The following ZKSCAN2 variants were observed in gnomAD, a reference collection of about 807,000 sequenced individuals.
ZKSCAN2 encodes the protein zinc finger with KRAB and SCAN domains 2.
Under a neutral mutation model 90.5 loss-of-function variants are expected in ZKSCAN2, and 38 were observed. The observed-to-expected ratio is 0.42, with a 90% CI of 0.32 to 0.55. The LOEUF (loss-of-function observed/expected upper bound fraction) is 0.55. Ranked by LOEUF, ZKSCAN2 falls within the 20% of genes least tolerant of loss-of-function variation. ZKSCAN2 has a pLI of 0.11. For missense variants in ZKSCAN2, 1,167 were observed against 1,202.6 expected, an observed-to-expected ratio of 0.97 and a Z score of 0.44; for synonymous variants, 429 against 421.6, an observed-to-expected ratio of 1.02 and a Z score of -0.22.
At position 25,256,730 on chromosome 16, in the gene ZKSCAN2, T is replaced by G; in HGVS notation, c.398A>C (p.Gln133Pro). The G allele has an allele frequency of 6.2e-7, 1 of 1,607,298 alleles. No individual in the cohort carries two copies. The highest frequency in any genetic ancestry group is 1.1e-5 in the South Asian group (1 of 90,164). Residue 133 changes from glutamine to proline, a missense_variant and splice_region_variant, in exon 1 of 7, where the codon CAG becomes CCG. Transcript: ENST00000328086. ...AAAATTTGGAAAATCCTCTCTCACC[T>G]GCTGTCTTAGTCTTCCAGTCTCTTT... Reference protein sequence around the residue: ...LEKETGRLRQQVSSPVHREKH... With the variant: ...LEKETGRLRQPVSSPVHREKH...
intron 4 of ZKSCAN2, among the ~76,000 whole-genome samples, chr16:25,250,923 A>T (rs1963011411): frequency 6.6e-6 from 1 of 151,912 alleles, no homozygotes; most frequent in Admixed American, 6.6e-5. Flanking sequence ...TGTCCAGCTA[A>T]TTTTGTATTT....
chr16:25,244,343 C>T (rs1962901522), intron 5 of ZKSCAN2, 67 bp from the exon 6 acceptor site: 1 of 1,505,612 alleles, frequency 6.6e-7, no homozygotes, highest in East Asian at 2.3e-5. Context: ...ATACTATATA[C>T]ATTAAGAAAT....
At chr16:25,251,106 A>G (rs1963013625) in intron 4 of ZKSCAN2, among the ~76,000 whole-genome samples, 1 of 152,102 alleles carries the variant, frequency 6.6e-6, no homozygotes, top group Non-Finnish European at 1.5e-5. Flanking sequence ...GTACCCCAAT[A>G]AAGTCGAAAA....
At position 25,240,526 on chromosome 16, in the gene ZKSCAN2, A is replaced by T; in HGVS notation, c.2194T>A (p.Leu732Ile). The T allele has an allele frequency of 6.2e-7, 1 of 1,614,072 alleles. No homozygotes were observed. Among genetic ancestry groups the T allele is most frequent in the South Asian group, 1.1e-5 (1 of 91,072 alleles). Residue 732 changes from leucine to isoleucine, a missense_variant, in exon 7 of 7, where the codon TTA becomes ATA. Transcript: ENST00000328086. ...CTCTGATGCACAACGGCTTTCCCTA[A>T]ATCTCTAGGCTGAGACATCGGCTTT... ...QGKPMSQPRDLGKAVVHQRPF... is the reference protein window; with the variant it reads ...QGKPMSQPRDIGKAVVHQRPF...
In ZKSCAN2 at chr16:25,246,720, A is replaced by T; in HGVS notation, c.1476T>A (p.Phe492Leu). 1 of 1,614,194 alleles carries T rather than the reference A, an allele frequency of 6.2e-7. No individual in the cohort carries two copies. Among genetic ancestry groups the T allele is most frequent in the Non-Finnish European group, 8.5e-7 (1 of 1,180,034 alleles). Residue 492 changes from phenylalanine to leucine, a missense_variant, in exon 5 of 7, where the codon TTT becomes TTA. By Grantham distance (22) the Phe-to-Leu change is conservative. Coordinates refer to ENST00000328086, the MANE Select transcript of ZKSCAN2 (RefSeq NM_001012981.5). The part of the protein sequence containing the change: ...KSEIHGAPVL[F>L]QNLSGVHWGY... ...CACAATTCTTACCACTGAGATTCTG[A>T]AACAAGACAGGGGCACCATGGATTT...
chr16:25,251,960 C>T lies in ZKSCAN2; in HGVS notation c.754G>A (p.Asp252Asn). 9 of 1,614,108 alleles carry T rather than the reference C, an allele frequency of 5.6e-6. No homozygotes were observed. Among genetic ancestry groups the T allele is most frequent in the Non-Finnish European group, 7.6e-6 (9 of 1,179,992 alleles). Residue 252 changes from aspartate (D) to asparagine (N), a missense_variant, in exon 4 of 7, where the codon GAC (aspartate) becomes AAC (asparagine). Physicochemically the swap from Asp to Asn is conservative, Grantham distance 23 (BLOSUM62 1). Coordinates refer to ENST00000328086, the MANE Select transcript of ZKSCAN2 (RefSeq NM_001012981.5). ...KSVHQIPAQR[D>N]LYRDFRKENV... is the part of the protein sequence containing the mutation. ...TCCTTCCTGAAATCCCGGTAGAGGT[C>T]CCTTTGGGCAGGAATCTGATGCACA...
chr16:25,253,439 CCTCTCT>C (rs151086073), intron 2 of ZKSCAN2, among the ~76,000 whole-genome samples: 6,591 of 144,596 alleles, frequency 0.046, 207 homozygotes, highest in African/African-American at 0.077. Context: ...TTTCTCCCTT[CCTCTCT>C]CTCTCTCTCT....
chr16:25,243,477 C>T (rs1220664323), intron 6 of ZKSCAN2, among the ~76,000 whole-genome samples: 3 of 152,072 alleles, frequency 2.0e-5, no homozygotes, highest in Non-Finnish European at 4.4e-5. Flanking sequence ...TACAGGTGCC[C>T]GCCACCACAC....
chr16:25,238,561 G>C lies in ZKSCAN2; in HGVS notation c.*1255C>G, dbSNP rs1962801558. 1 of 152,208 alleles carries C rather than the reference G, an allele frequency of 6.6e-6. No homozygotes were observed. The highest frequency in any genetic ancestry group is 2.1e-4 in the South Asian group (1 of 4,834). The allele number at this position is 152,208 out of a possible 1,614,324, so 9.4% of individuals were successfully genotyped here. A position where few individuals can be genotyped will look rare whatever the true frequency, so the allele number is the denominator to read the frequency against. ...AAACGGTGTTCTGGATTTCTGGATT[G>C]AAGTTTTTATAAATGTTCCCACTTT... On this transcript the variant is annotated 3_prime_UTR_variant, in exon 7 of 7. Coordinates refer to ENST00000328086, the MANE Select transcript of ZKSCAN2 (RefSeq NM_001012981.5).
intron 6 of ZKSCAN2, among the ~76,000 whole-genome samples, chr16:25,242,066 T>A (rs1483076444): frequency 6.6e-6 from 1 of 152,110 alleles, no homozygotes; most frequent in African/African-American, 2.4e-5. Context: ...ATGGGGTGTA[T>A]GTTGCCCAGG....
In ZKSCAN2 at chr16:25,237,121, C is replaced by T. The variant is rs7201010; in HGVS notation, c.*2695G>A. 0.62 allele frequency: 94,685 copies of T among 152,438 alleles called. 31,995 individuals carry two copies. The highest frequency in any genetic ancestry group is 0.91 in the African/African-American group (37,774 of 41,526). 9.4% of individuals were successfully genotyped at this position (152,438 alleles called of 1,614,324 possible). ...CGCTTAGGATCAGAGCTTTCCTTGG[C>T]ACTGAGATCTAGATAAAAAAACCTT... On this transcript the variant is annotated 3_prime_UTR_variant, in exon 7 of 7. Transcript: ENST00000328086.
intron 2 of ZKSCAN2, among the ~76,000 whole-genome samples, chr16:25,254,276 TAAGACTGAGATG>T: frequency 6.6e-6 from 1 of 152,360 alleles, no homozygotes; most frequent in East Asian, 1.9e-4. Flanking sequence ...TTCCTCTCTT[TAAGACTGAGATG>T]AAGCCACACT....
rs1463655391 is a variant in ZKSCAN2 at position 25,239,980 on chromosome 16, G to A, written c.2740C>T (p.Pro914Ser). The A allele has an allele frequency of 1.9e-6, 3 of 1,613,960 alleles. No individual in the cohort carries two copies. The highest frequency in any genetic ancestry group is 1.7e-5 in the Admixed American group (1 of 60,002). Residue 914 changes from proline to serine, a missense_variant, in exon 7 of 7, where the codon CCC becomes TCC. Pro to Ser is a moderately conservative substitution (Grantham distance 74). Coordinates refer to ENST00000328086, the MANE Select transcript of ZKSCAN2 (RefSeq NM_001012981.5). ...TTGCCACACTGGGCACATCCATAGG[G>A]CTTCTCTCCAGTGTGTATTCTCCGA... ...EHRRIHTGEK[P>S]YGCAQCGKRF...
intron 6 of ZKSCAN2, among the ~76,000 whole-genome samples, chr16:25,242,096 C>T (rs1418851201): frequency 1.3e-5 from 2 of 152,138 alleles, no homozygotes. Flanking sequence ...AACTCCTGTG[C>T]TCAAGCGATC....
intron 4 of ZKSCAN2, among the ~76,000 whole-genome samples, chr16:25,249,099 TAG>T (rs1962980413): frequency 1.3e-5 from 2 of 151,848 alleles, no homozygotes; most frequent in Non-Finnish European, 2.9e-5. Flanking sequence ...CTCATAGAAG[TAG>T]AGAGTAGAAG....
chr16:25,243,645 C>T, intron 6 of ZKSCAN2, 140 bp downstream of exon 6: 1 of 1,079,490 alleles, frequency 9.3e-7, no homozygotes. Flanking sequence ...TGCTATATCC[C>T]CTGTTCTTCA....
intron 4 of ZKSCAN2, among the ~76,000 whole-genome samples, chr16:25,248,282 CA>C (rs55673563): frequency 0.19 from 4,367 of 23,210 alleles, 104 homozygotes; most frequent in African/African-American, 0.33. Flanking sequence ...TTCTATACAG[CA>C]AAAAAAAAAA....
At chr16:25,252,185 A>C in intron 3 of ZKSCAN2, 150 bp from the exon 4 acceptor site, 1 of 832,076 alleles carries the variant, frequency 1.2e-6, no homozygotes, top group South Asian at 1.8e-5. Flanking sequence ...AAGAGAAAGA[A>C]TCATAAGATG....
At chr16:25,248,802 T>C (rs1249578293) in intron 4 of ZKSCAN2, among the ~76,000 whole-genome samples, 2 of 152,182 alleles carry the variant, frequency 1.3e-5, no homozygotes, top group African/African-American at 4.8e-5. Flanking sequence ...ACTGGGTATA[T>C]ATGCAAAAAT....
Sources: allele counts gnomAD v4.1 joint callset (sites outside exome capture counted in the v4.1 genomes callset), GRCh38; gene constraint gnomAD v4.1.1; transcripts MANE v1.5; gene names NCBI Gene and HGNC (gene_info 2026-07-23, HGNC 2026-07-21).